UBAP2: variants seen among roughly 807,000 people sequenced by gnomAD.
The protein encoded by UBAP2 is ubiquitin-associated protein 2.
In UBAP2, 75 loss-of-function variants were observed where a neutral mutation model predicts 139.6. That is an observed-to-expected ratio of 0.54 (90% CI 0.45 to 0.65). The LOEUF (loss-of-function observed/expected upper bound fraction) is 0.65. UBAP2 is among the 30% of genes least tolerant of loss of function. UBAP2 has a pLI of 0.00. For synonymous variants in UBAP2, 526 were observed against 526.2 expected (o/e 1.00, Z 0.01); for missense variants, 1,368 against 1,369.6 (o/e 1.00, Z 0.02).
At chr9:33,940,348 T>A (rs1352768049) in intron 16 of UBAP2, among the ~76,000 whole-genome samples, 1 of 152,200 alleles carries the variant, frequency 6.6e-6, no homozygotes. Flanking sequence ...GATTTACTCA[T>A]AGGATTATCA....
intron 6 of UBAP2, among the ~76,000 whole-genome samples, chr9:33,978,709 G>C (rs935874822): frequency 1.2e-4 from 19 of 152,100 alleles, no homozygotes; most frequent in Non-Finnish European, 1.8e-4. Flanking sequence ...GAACCCAGGA[G>C]GGGGAGCGTG....
intron 1 of UBAP2, among the ~76,000 whole-genome samples, chr9:34,021,508 G>A (rs946549151): frequency 6.6e-6 from 1 of 152,082 alleles, no homozygotes; most frequent in Admixed American, 6.6e-5. Context: ...GTTTTGCCAT[G>A]ATTCCATTTA....
At chr9:33,943,316 G>C (rs1825390530) in intron 15 of UBAP2, 104 bp downstream of exon 15, 1 of 1,197,604 alleles carries the variant, frequency 8.4e-7, no homozygotes, top group Non-Finnish European at 1.2e-6. Flanking sequence ...TGGAAGGTCT[G>C]GATAAACACT....
chr9:34,042,993 G>A (rs1463568478), intron 1 of UBAP2, among the ~76,000 whole-genome samples: 1 of 151,904 alleles, frequency 6.6e-6, no homozygotes, highest in Non-Finnish European at 1.5e-5. Context: ...CCTTAATCCT[G>A]GGAGATAGAG....
Position 33,923,268 on chromosome 9 carries a change from T to C in UBAP2, c.2922A>G (p.Thr974=). The change falls in exon 26 of 29, where the codon ACA becomes ACG. Residue 974 remains threonine, a synonymous_variant. Coordinates refer to ENST00000379238, the MANE Select transcript of UBAP2 (RefSeq NM_001370062.2). ...CACCTTTGGAGTAGTCTCCTGCTGC[T>C]GTCCCCTGGGTCAGGTCGTCATAAC... ...STGYDDLTQG[T]AAGDYSKGGY... 2 of 1,614,224 alleles carry C rather than the reference T, an allele frequency of 1.2e-6. No individual in the cohort carries two copies. The highest frequency in any genetic ancestry group is 8.5e-7 in the Non-Finnish European group (1 of 1,180,032).
chr9:33,968,134 C>T (rs1326316432), intron 8 of UBAP2: 10 of 553,516 alleles, frequency 1.8e-5, no homozygotes, highest in Non-Finnish European at 3.6e-5. Context: ...AAAAACTCAA[C>T]AGGACACAGA....
rs1264130236 is a variant in UBAP2, at chr9:33,944,599, C to A, written c.1311G>T (p.Gln437His). The A allele has an allele frequency of 6.2e-7, 1 of 1,614,126 alleles. No homozygotes were observed. Among genetic ancestry groups the A allele is most frequent in the Non-Finnish European group, 8.5e-7 (1 of 1,180,030 alleles). ...SQPEPSPVLS[Q>H]LSQRQQHQSQ... The stretch of plus-strand genomic sequence containing the variant: ...TCTGGTGCTGTTGTCGCTGGCTCAA[C>A]TGGCTAAGAACTGGGGATGGCTCAG... Residue 437 changes from glutamine (Q) to histidine (H), a missense_variant, in exon 14 of 29, where the codon CAG (glutamine) becomes CAT (histidine). Gln to His is a conservative substitution (Grantham distance 24). Coordinates refer to ENST00000379238, the MANE Select transcript of UBAP2 (RefSeq NM_001370062.2).
intron 2 of UBAP2, among the ~76,000 whole-genome samples, chr9:34,004,990 T>G (rs1259054186): frequency 6.6e-6 from 1 of 151,148 alleles, no homozygotes; most frequent in East Asian, 2.0e-4. Context: ...CAGTCGGGCA[T>G]GGTAGCTCAG....
At chr9:34,006,231 TC>T (rs1823201145) in intron 2 of UBAP2, among the ~76,000 whole-genome samples, 2 of 136,700 alleles carry the variant, frequency 1.5e-5, no homozygotes, top group African/African-American at 5.7e-5. Context: ...GAGACTCATC[TC>T]AAAAAGAAAA....
At chr9:33,966,727 GTTTTTC>G (rs922285915) in intron 8 of UBAP2, among the ~76,000 whole-genome samples, 1 of 151,840 alleles carries the variant, frequency 6.6e-6, no homozygotes, top group African/African-American at 2.4e-5. Context: ...AAAAAGTACT[GTTTTTC>G]TTATTCTTTG....
rs565265659 is a variant in UBAP2, at chr9:34,045,026, T to C, written c.-42+3799A>G. 2.8e-4 allele frequency among the ~76,000 whole-genome samples: 42 copies of C among 152,014 alleles called. No individual in the cohort carries two copies. The South Asian group carries it at 8.3e-3, about 30-fold the overall frequency. On this transcript the variant is annotated intron_variant, in intron 1 of 28. Transcript: ENST00000379238. Reference sequence around the variant, plus strand: ...AGCATGAAAATTAGTTATCAAAAAATGGAAACTTATCAAACATTGTTTACA... The same window carrying C: ...AGCATGAAAATTAGTTATCAAAAAACGGAAACTTATCAAACATTGTTTACA...
In UBAP2 at chr9:33,945,612, T is replaced by A. The variant is rs1250990579; in HGVS notation, c.1271-973A>T. On this transcript the variant is annotated intron_variant, in intron 13 of 28. Coordinates refer to ENST00000379238, the MANE Select transcript of UBAP2 (RefSeq NM_001370062.2). ...CACAAAGGCAAACACTGTACCCGGT[T>A]TTCCTGAATGTCTCTTTCAGAGATA... is the stretch of plus-strand genomic sequence containing the variant. Among the ~76,000 whole-genome samples, 2 of 152,190 alleles carry A rather than the reference T, an allele frequency of 1.3e-5. 1 individual carries two copies. The highest frequency in any genetic ancestry group is 1.3e-4 in the Admixed American group (2 of 15,274).
chr9:33,974,104 T>G (rs1396259057), intron 6 of UBAP2, among the ~76,000 whole-genome samples: 1 of 152,112 alleles, frequency 6.6e-6, no homozygotes, highest in Non-Finnish European at 1.5e-5. Flanking sequence ...AGCAGGAGGA[T>G]CCATGAGCCC....
At chr9:33,984,730 G>C (rs1300737365) in intron 6 of UBAP2, among the ~76,000 whole-genome samples, 1 of 151,470 alleles carries the variant, frequency 6.6e-6, no homozygotes, top group African/African-American at 2.4e-5. Context: ...ATATACAAAT[G>C]GCCAAAAGGT....
At chr9:33,984,634 T>C (rs953192024) in intron 6 of UBAP2, among the ~76,000 whole-genome samples, 3 of 151,666 alleles carry the variant, frequency 2.0e-5, no homozygotes, top group Admixed American at 6.6e-5. Context: ...GTTATGATCA[T>C]GCCACTGCAC....
intron 2 of UBAP2, among the ~76,000 whole-genome samples, chr9:34,003,439 G>A (rs185137556): frequency 2.3e-4 from 32 of 136,832 alleles, no homozygotes; most frequent in Non-Finnish European, 4.3e-4. Flanking sequence ...TGGCGTGATC[G>A]CGACTCACTG....
intron 1 of UBAP2, among the ~76,000 whole-genome samples, chr9:34,035,690 TAAAG>T (rs920170174): frequency 1.5e-4 from 23 of 150,504 alleles, no homozygotes; most frequent in Non-Finnish European, 2.7e-4. Flanking sequence ...ATCTCAAAAA[TAAAG>T]AAAGAAACAA....
At chr9:33,953,210 A>G (rs1826250288) in intron 12 of UBAP2, 75 bp downstream of exon 12, 4 of 1,332,182 alleles carry the variant, frequency 3.0e-6, no homozygotes, top group Non-Finnish European at 4.1e-6. Context: ...ATTATAAAGC[A>G]TGTATCATAT....
rs11332455 is a variant in UBAP2 at position 34,020,664 on chromosome 9, CTT to C, written c.-41-3477_-41-3476del. ...TTAACAATACATGGAACTCTGTTTCCTTTTTTTTTTTTTGAGACAGAGTCTGG... is the reference window on the plus strand; with the variant it reads ...TTAACAATACATGGAACTCTGTTTCCTTTTTTTTTTTGAGACAGAGTCTGG... On this transcript the variant is annotated intron_variant, in intron 1 of 28. Transcript: ENST00000379238. Among the ~76,000 whole-genome samples the C allele has an allele frequency of 3.9e-3, 555 of 143,440 alleles. 1 individual carries two copies. Among genetic ancestry groups the C allele is most frequent in the East Asian group, 0.012 (57 of 4,908 alleles). 94.1% of individuals were successfully genotyped at this position (143,440 alleles called of 152,430 possible). A position where few individuals can be genotyped will look rare whatever the true frequency, so the allele number is the denominator to read the frequency against.
Sources: allele counts gnomAD v4.1 joint callset (sites outside exome capture counted in the v4.1 genomes callset), GRCh38; gene constraint gnomAD v4.1.1; transcripts MANE v1.5; gene names NCBI Gene and HGNC (gene_info 2026-07-23, HGNC 2026-07-21).